ME1: variants seen among roughly 807,000 people sequenced by gnomAD.
The protein encoded by ME1 is malic enzyme 1.
In ME1, 74 loss-of-function variants were observed where a neutral mutation model predicts 66.4. That is an observed-to-expected ratio of 1.11 (90% CI 0.92 to 1.35). The LOEUF (loss-of-function observed/expected upper bound fraction) is 1.35, where lower values mean the gene tolerates loss of function less well. Ranked by LOEUF, ME1 falls within the 40% of genes most tolerant of loss-of-function variation. The probability of loss-of-function intolerance (pLI) is 0.00; values close to 1 mark genes in which losing one functional copy is unlikely to be tolerated. For synonymous variants in ME1, 251 were observed against 235.6 expected, an observed-to-expected ratio of 1.07 and a Z score of -0.60; for missense variants, 750 against 694.1, an observed-to-expected ratio of 1.08 and a Z score of -0.90.
intron 3 of ME1, among the ~76,000 whole-genome samples, chr6:83,391,848 C>T (rs1006542929): frequency 1.3e-5 from 2 of 152,142 alleles, no homozygotes; most frequent in African/African-American, 4.8e-5. Flanking sequence ...CCCAACTCCT[C>T]CAATATCATC....
Position 83,398,511 on chromosome 6 carries a change from AG to A in ME1, c.217del (p.Leu73PhefsTer3). The stretch of plus-strand genomic sequence containing the variant: ...TCTATCTTGGAGATCCATTAAGAGA[AG>A]ATACCTGTAAAAATTGGACATAATT... ...EHLNSDFDRY[L>X]LLMDLQDRNE... On this transcript the variant is annotated frameshift_variant, in exon 3 of 14. Transcript: ENST00000369705. LOFTEE classifies it high-confidence loss of function. 6.6e-7 allele frequency: 1 copy of A among 1,525,084 alleles called. No homozygotes were observed. The highest frequency in any genetic ancestry group is 1.2e-5 in the South Asian group (1 of 80,944). 94.5% of individuals were successfully genotyped at this position (1,525,084 alleles called of 1,614,324 possible).
chr6:83,407,756 G>A lies in ME1; in HGVS notation c.212+12C>T. ...AAGAGAAATATAAAAACCACCTTCA[G>A]CAATGTGTTACCTGTCAAAGTCAGA... On this transcript the variant is annotated intron_variant, in intron 2 of 13. Transcript: ENST00000369705. The A allele has an allele frequency of 1.9e-6, 3 of 1,565,404 alleles. No individual in the cohort carries two copies. Among genetic ancestry groups the A allele is most frequent in the Non-Finnish European group, 2.6e-6 (3 of 1,163,284 alleles).
chr6:83,313,281 C>T (rs543414272), intron 6 of ME1, among the ~76,000 whole-genome samples: 46 of 152,132 alleles, frequency 3.0e-4, no homozygotes, highest in African/African-American at 9.9e-4. Flanking sequence ...TGGCATTTTT[C>T]TCTGGAAGTA....
At chr6:83,291,420 T>G (rs2128534899) in intron 6 of ME1, among the ~76,000 whole-genome samples, 1 of 152,374 alleles carries the variant, frequency 6.6e-6, no homozygotes, top group South Asian at 2.1e-4. Context: ...TTGAGAATTC[T>G]TTGCTTTAAG....
intron 3 of ME1, among the ~76,000 whole-genome samples, chr6:83,380,618 T>C (rs1431111602): frequency 6.6e-6 from 1 of 152,124 alleles, no homozygotes; most frequent in Non-Finnish European, 1.5e-5. Context: ...CTCTGAGGTG[T>C]TTGCTTTAGT....
intron 6 of ME1, among the ~76,000 whole-genome samples, chr6:83,296,208 C>T (rs1011276916): frequency 2.6e-5 from 4 of 151,938 alleles, no homozygotes; most frequent in Admixed American, 2.0e-4. Flanking sequence ...GACACAACAA[C>T]AACAAAAACT....
intron 6 of ME1, among the ~76,000 whole-genome samples, chr6:83,286,352 G>A (rs1767396937): frequency 6.6e-6 from 1 of 152,082 alleles, no homozygotes; most frequent in African/African-American, 2.4e-5. Flanking sequence ...AACATTGATG[G>A]AAGAGATCAG....
At chr6:83,312,475 G>T (rs998764945) in intron 6 of ME1, among the ~76,000 whole-genome samples, 2 of 152,220 alleles carry the variant, frequency 1.3e-5, no homozygotes, top group East Asian at 1.9e-4. Context: ...GGAGAAGACC[G>T]AGAGGAAGAA....
intron 12 of ME1, among the ~76,000 whole-genome samples, chr6:83,220,717 T>C (rs1163910763): frequency 1.3e-5 from 2 of 152,202 alleles, no homozygotes; most frequent in Non-Finnish European, 2.9e-5. Flanking sequence ...TTTGTGGTAT[T>C]GTATTTATTC....
intron 1 of ME1, among the ~76,000 whole-genome samples, chr6:83,422,047 G>A (rs1479927882): frequency 6.6e-6 from 1 of 152,030 alleles, no homozygotes; most frequent in Non-Finnish European, 1.5e-5. Context: ...GGGTCCTCAT[G>A]GAAACAAAAA....
chr6:83,324,716 C>CAAAAAAAAAAAAAAAA (rs55866196), intron 5 of ME1, among the ~76,000 whole-genome samples: 1 of 49,306 alleles, frequency 2.0e-5, no homozygotes, highest in African/African-American at 7.7e-5. Flanking sequence ...GCCTACCAAC[C>CAAAAAAAAAAAAAAAA]AAAAAAAAAA....
intron 3 of ME1, among the ~76,000 whole-genome samples, chr6:83,363,126 A>C (rs1769037325): frequency 6.6e-6 from 1 of 152,148 alleles, no homozygotes; most frequent in South Asian, 2.1e-4. Flanking sequence ...AAGGGGTGGA[A>C]GTGGCACCAC....
rs1241781215 is a variant in ME1, at chr6:83,227,351, C to T, written c.1259G>A (p.Cys420Tyr). 1 of 1,562,620 alleles carries T rather than the reference C, an allele frequency of 6.4e-7. No individual in the cohort carries two copies. Reference protein sequence around the residue: ...TSKAECSAEQCYKITKGRAIF... With the variant: ...TSKAECSAEQYYKITKGRAIF... ...TTACTTTACCTTGGTTATTTTGTAG[C>T]ACTGCTCTGCAGAACATTCTGCTTT... Residue 420 changes from cysteine (C) to tyrosine (Y), a missense_variant, in exon 11 of 14, where the codon TGC becomes TAC. Transcript: ENST00000369705.
chr6:83,275,653 G>A (rs1356218620), intron 6 of ME1, among the ~76,000 whole-genome samples: 1 of 149,526 alleles, frequency 6.7e-6, no homozygotes, highest in African/African-American at 2.5e-5. Flanking sequence ...TTTTAGTAGA[G>A]ACGGGGTTTC....
At chr6:83,216,882 A>C (rs1277751608) in intron 12 of ME1, among the ~76,000 whole-genome samples, 1 of 152,174 alleles carries the variant, frequency 6.6e-6, no homozygotes, top group African/African-American at 2.4e-5. Context: ...GATACTTTCC[A>C]ATTGATACAT....
At chr6:83,266,162 G>T (rs909499846) in intron 6 of ME1, among the ~76,000 whole-genome samples, 1 of 152,012 alleles carries the variant, frequency 6.6e-6, no homozygotes, top group Non-Finnish European at 1.5e-5. Context: ...TCAGATCTTC[G>T]TTTTTAAAAA....
intron 1 of ME1, among the ~76,000 whole-genome samples, chr6:83,429,773 T>C (rs1770446418): frequency 6.6e-6 from 1 of 152,124 alleles, no homozygotes; most frequent in African/African-American, 2.4e-5. Context: ...GATCAACAAA[T>C]CATCAGGAAC....
At chr6:83,333,430 G>T (rs1441990627) in intron 5 of ME1, among the ~76,000 whole-genome samples, 1 of 152,032 alleles carries the variant, frequency 6.6e-6, no homozygotes, top group Non-Finnish European at 1.5e-5. Context: ...CAGTAAAGCA[G>T]CAGTGAAAGA....
intron 6 of ME1, among the ~76,000 whole-genome samples, chr6:83,272,408 T>C (rs542669878): frequency 6.6e-6 from 1 of 152,330 alleles, no homozygotes; most frequent in South Asian, 2.1e-4. Context: ...TTACAGAAGA[T>C]AATTTGTGTG....
Sources: gnomAD v4.1 joint callset for allele counts (sites outside exome capture counted in the v4.1 genomes callset) on GRCh38, gnomAD v4.1.1 for gene constraint, MANE v1.5 for transcripts, NCBI Gene and HGNC (gene_info 2026-07-23, HGNC 2026-07-21) for gene names.